The following ACTR3C variants were observed in gnomAD, a reference collection of about 807,000 sequenced individuals.
The protein encoded by ACTR3C is actin related protein 3C, also known as actin-related protein 3C.
In ACTR3C, 18 loss-of-function variants were observed where a neutral mutation model predicts 26.3. That is an observed-to-expected ratio of 0.68 (90% confidence interval 0.47 to 1.01). The LOEUF is 1.01. Ranked by LOEUF, ACTR3C falls within the 50% of genes least tolerant of loss-of-function variation. ACTR3C has a pLI of 0.00. For synonymous variants in ACTR3C, 55 were observed against 94.5 expected (o/e 0.58, Z 2.42); for missense variants, 184 against 250.7 (o/e 0.73, Z 1.80).
the ACTR3C span, among the ~76,000 whole-genome samples, chr7:150,188,754 C>A: frequency 3.4e-4 from 52 of 151,726 alleles, no homozygotes. Context: ...AAACTGTACA[C>A]TAAAATGGGT....
At chr7:150,016,186 G>A in the ACTR3C span, among the ~76,000 whole-genome samples, 1 of 151,980 alleles carries the variant, frequency 6.6e-6, no homozygotes, top group African/African-American at 2.4e-5. Context: ...AGCTGATCAG[G>A]GTCTAGGTCA....
the ACTR3C span, among the ~76,000 whole-genome samples, chr7:149,906,797 A>C: frequency 2.7e-5 from 2 of 73,672 alleles, no homozygotes; most frequent in Non-Finnish European, 5.3e-5. Flanking sequence ...TCACACCTGA[A>C]CTCTTCCAAT....
chr7:150,069,355 G>C, the ACTR3C span, among the ~76,000 whole-genome samples: 1 of 152,190 alleles, frequency 6.6e-6, no homozygotes, highest in South Asian at 2.1e-4. Flanking sequence ...GAAGAGGTCT[G>C]GGGCTAAGGT....
the ACTR3C span, among the ~76,000 whole-genome samples, chr7:150,200,772 C>T: frequency 1.1e-3 from 170 of 152,254 alleles, no homozygotes; most frequent in Non-Finnish European, 1.9e-3. Flanking sequence ...TCTGAGTTCT[C>T]CTTACAAATG....
At chr7:150,132,495 A>T in the ACTR3C span, among the ~76,000 whole-genome samples, 4 of 152,250 alleles carry the variant, frequency 2.6e-5, no homozygotes, top group Admixed American at 2.6e-4. Context: ...CAACAAACAT[A>T]TGAAAAAATG....
At chr7:149,968,794 G>A in the ACTR3C span, among the ~76,000 whole-genome samples, 2 of 152,248 alleles carry the variant, frequency 1.3e-5, no homozygotes, top group Non-Finnish European at 2.9e-5. Context: ...CATGCAATTC[G>A]TATTTCAGGG....
the ACTR3C span, among the ~76,000 whole-genome samples, chr7:150,050,220 A>G: frequency 6.6e-6 from 1 of 152,356 alleles, no homozygotes; most frequent in African/African-American, 2.4e-5. Context: ...TATGTAATAT[A>G]CATATGCTAT....
the ACTR3C span, among the ~76,000 whole-genome samples, chr7:150,133,738 G>A: frequency 1.4e-5 from 2 of 139,560 alleles, no homozygotes. Context: ...TATCTTTTGT[G>A]TTTGTTTGTT....
At chr7:150,265,854 C>T (rs71537920) in intron 6 of ACTR3C, among the ~76,000 whole-genome samples, 7,895 of 152,076 alleles carry the variant, frequency 0.052, 254 homozygotes, top group South Asian at 0.056. Flanking sequence ...CATCTAGGAG[C>T]GGGGAGCATC....
chr7:150,058,311 C>A, the ACTR3C span, among the ~76,000 whole-genome samples: 1 of 152,170 alleles, frequency 6.6e-6, no homozygotes, highest in Non-Finnish European at 1.5e-5. Context: ...TTCATGTATT[C>A]TTCCGTCTTA....
chr7:150,103,670 C>A, the ACTR3C span, among the ~76,000 whole-genome samples: 1 of 151,790 alleles, frequency 6.6e-6, no homozygotes, highest in Non-Finnish European at 1.5e-5. Flanking sequence ...AAAGATTTTC[C>A]ATTTTTTAAA....
the ACTR3C span, among the ~76,000 whole-genome samples, chr7:149,926,325 T>C: frequency 1.1e-4 from 17 of 152,234 alleles, no homozygotes; most frequent in African/African-American, 4.1e-4. Flanking sequence ...AAAGTCCTGC[T>C]TGGAGGAATG....
chr7:150,284,482 G>A (rs1452994567), intron 6 of ACTR3C, among the ~76,000 whole-genome samples: 1 of 152,126 alleles, frequency 6.6e-6, no homozygotes, highest in Non-Finnish European at 1.5e-5. Flanking sequence ...GGAGGCGGAG[G>A]TTATAGTGAG....
At chr7:150,058,151 C>T in the ACTR3C span, among the ~76,000 whole-genome samples, 18 of 152,268 alleles carry the variant, frequency 1.2e-4, no homozygotes, top group Non-Finnish European at 2.5e-4. Context: ...TTCTATTGCT[C>T]CTCCACTTAG....
chr7:150,180,280 G>A, the ACTR3C span, among the ~76,000 whole-genome samples: 18 of 149,832 alleles, frequency 1.2e-4, 2 homozygotes, highest in South Asian at 3.8e-3. Context: ...ACTCCAGCCC[G>A]GGCGACAGAG....
At chr7:150,039,075 C>T in the ACTR3C span, among the ~76,000 whole-genome samples, 2 of 145,996 alleles carry the variant, frequency 1.4e-5, no homozygotes, top group Non-Finnish European at 1.5e-5. Flanking sequence ...GAACTTTCTA[C>T]TTGGACTACT....
chr7:150,084,468 G>A, the ACTR3C span, among the ~76,000 whole-genome samples: 2 of 151,978 alleles, frequency 1.3e-5, no homozygotes, highest in African/African-American at 2.4e-5. Flanking sequence ...ATTGTGTGGC[G>A]GGGGGAGAGA....
At chr7:149,930,774 C>A in the ACTR3C span, among the ~76,000 whole-genome samples, 1 of 152,254 alleles carries the variant, frequency 6.6e-6, no homozygotes, top group Non-Finnish European at 1.5e-5. Flanking sequence ...GAGCCCCACA[C>A]ATACTTAAAA....
At chr7:150,235,889 T>C in the ACTR3C span, among the ~76,000 whole-genome samples, 6 of 152,102 alleles carry the variant, frequency 3.9e-5, no homozygotes, top group Non-Finnish European at 7.3e-5. Flanking sequence ...ATGTTTCTGA[T>C]AGTAAAATTT....
Sources: gnomAD v4.1 joint callset for allele counts (sites outside exome capture counted in the v4.1 genomes callset) on GRCh38, gnomAD v4.1.1 for gene constraint, MANE v1.5 for transcripts, NCBI Gene and HGNC (gene_info 2026-07-23, HGNC 2026-07-21) for gene names.